FAM184A: variants seen among roughly 807,000 people sequenced by gnomAD.
The protein encoded by FAM184A is protein FAM184A.
In FAM184A, 99 loss-of-function variants were observed where a neutral mutation model predicts 143.8. That is an observed-to-expected ratio of 0.69 (90% CI 0.58 to 0.81). FAM184A has a LOEUF of 0.81. Ranked by LOEUF, FAM184A falls within the 40% of genes least tolerant of loss-of-function variation. The pLI is 0.00. For synonymous variants in FAM184A, 427 were observed against 446.4 expected (o/e 0.96, Z 0.55); for missense variants, 1,217 against 1,310.5 (o/e 0.93, Z 1.10).
chr6:119,137,271 T>C (rs1055987508), intron 1 of FAM184A, among the ~76,000 whole-genome samples: 9 of 151,666 alleles, frequency 5.9e-5, no homozygotes, highest in African/African-American at 1.9e-4. Flanking sequence ...TGTGTGTGTG[T>C]GTATGTGTGT....
chr6:118,970,008 A>ATATTTTT, intron 14 of FAM184A, among the ~76,000 whole-genome samples: 2 of 19,052 alleles, frequency 1.0e-4, no homozygotes, highest in Non-Finnish European at 2.3e-4. Flanking sequence ...ATATATATAT[A>ATATTTTT]TTTTTTTTTT....
intron 1 of FAM184A, among the ~76,000 whole-genome samples, chr6:119,126,130 T>A (rs1789358942): frequency 6.6e-6 from 1 of 152,154 alleles, no homozygotes; most frequent in Non-Finnish European, 1.5e-5. Flanking sequence ...GTTGGCAGGA[T>A]CTTGTTCCCT....
intron 4 of FAM184A, among the ~76,000 whole-genome samples, chr6:119,017,715 AT>A (rs1276145555): frequency 1.3e-5 from 2 of 152,154 alleles, no homozygotes; most frequent in African/African-American, 4.8e-5. Context: ...ACAGGTTTGG[AT>A]TTTTTTGTCT....
chr6:119,024,087 C>T lies in FAM184A; in HGVS notation c.886G>A (p.Ala296Thr). The T allele has an allele frequency of 6.2e-7, 1 of 1,614,164 alleles. No homozygotes were observed. Among genetic ancestry groups the T allele is most frequent in the Non-Finnish European group, 8.5e-7 (1 of 1,180,026 alleles). Reference sequence around the variant, plus strand: ...TTTCCTATAGTTTTTCGTAAAATTGCTTCTTGTCCCTGAAATTCTTTTCTA... The same window carrying T: ...TTTCCTATAGTTTTTCGTAAAATTGTTTCTTGTCCCTGAAATTCTTTTCTA... The part of the protein sequence containing the change: ...DLRKEFQGQE[A>T]ILRKTIGKLK... Residue 296 changes from alanine (A) to threonine (T), a missense_variant, in exon 2 of 18, where the codon GCA becomes ACA. Coordinates refer to ENST00000338891, the MANE Select transcript of FAM184A (RefSeq NM_024581.6).
rs531523042 is a variant in FAM184A at position 118,993,429 on chromosome 6, A to G, written c.2088+9470T>C. 1.5e-3 allele frequency among the ~76,000 whole-genome samples: 226 copies of G among 152,358 alleles called. 1 individual carries two copies. The highest frequency in any genetic ancestry group is 5.3e-3 in the African/African-American group (222 of 41,580). ...AATTGTTCTAAACCTCAGTTTAATC[A>G]TTTAGAAAATAGGACAAGGTTTTAC... is the stretch of plus-strand genomic sequence containing the variant. On this transcript the variant is annotated intron_variant, in intron 9 of 17. Coordinates refer to ENST00000338891, the MANE Select transcript of FAM184A (RefSeq NM_024581.6).
rs144424837 is a variant in FAM184A at position 119,041,123 on chromosome 6, T to C, written c.160-16310A>G. Among the ~76,000 whole-genome samples, 377 of 152,096 alleles carry C rather than the reference T, an allele frequency of 2.5e-3. 3 individuals are homozygous for C. The highest frequency in any genetic ancestry group is 8.8e-3 in the African/African-American group (363 of 41,464). ...GCCCCTGTAGCAGTTAATGGAGAAA[T>C]AAGCTTCTAAGAAAAGACATGATCA... is the stretch of plus-strand genomic sequence containing the variant. On this transcript the variant is annotated intron_variant, in intron 1 of 17. Coordinates refer to ENST00000338891, the MANE Select transcript of FAM184A (RefSeq NM_024581.6).
intron 1 of FAM184A, among the ~76,000 whole-genome samples, chr6:119,128,475 G>A (rs1789433361): frequency 6.6e-6 from 1 of 152,126 alleles, no homozygotes; most frequent in Admixed American, 6.5e-5. Context: ...AATTGTTTGA[G>A]ACTCCTTCTA....
At chr6:119,096,201 C>A (rs1788502648) in intron 1 of FAM184A, among the ~76,000 whole-genome samples, 1 of 152,174 alleles carries the variant, frequency 6.6e-6, no homozygotes, top group Non-Finnish European at 1.5e-5. Context: ...AGCTTGCTGT[C>A]TTTATTGCCT....
chr6:119,009,234 C>T (rs771072679), intron 6 of FAM184A, among the ~76,000 whole-genome samples: 16 of 152,222 alleles, frequency 1.1e-4, no homozygotes, highest in African/African-American at 1.4e-4. Context: ...TATCACACTC[C>T]GTTTTTTCTG....
intron 17 of FAM184A, 81 bp downstream of exon 17, chr6:118,961,680 G>A: frequency 8.9e-7 from 1 of 1,117,506 alleles, no homozygotes; most frequent in Non-Finnish European, 1.3e-6. Context: ...TGTTCTTAAA[G>A]TAGTGATTTC....
chr6:119,123,458 C>T (rs1789281009), intron 1 of FAM184A, among the ~76,000 whole-genome samples: 2 of 152,114 alleles, frequency 1.3e-5, no homozygotes, highest in Non-Finnish European at 2.9e-5. Context: ...GGTTGGTTCA[C>T]GTCAGGGGTA....
chr6:119,074,505 C>T (rs561510681), intron 1 of FAM184A, among the ~76,000 whole-genome samples: 20 of 151,602 alleles, frequency 1.3e-4, no homozygotes, highest in Non-Finnish European at 2.9e-4. Flanking sequence ...TATCTAAAAG[C>T]AACCAGAAAA....
rs1554264201 is a variant in FAM184A, at chr6:118,965,205, G to GC, written c.3034-435_3034-434insG. ...ATACCCAGCTAAGTTTTTTTTGTTT[G>GC]TTTTTTTTTTTTTTTTGGTGTGTGT... On this transcript the variant is annotated intron_variant, in intron 15 of 17. Transcript: ENST00000338891. Among the ~76,000 whole-genome samples the GC allele has an allele frequency of 3.1e-5, 4 of 131,034 alleles. No homozygotes were observed. The East Asian group carries it at 8.6e-4, about 28-fold the overall frequency. 86.0% of individuals were successfully genotyped at this position (131,034 alleles called of 152,430 possible).
intron 1 of FAM184A, among the ~76,000 whole-genome samples, chr6:119,038,098 G>C (rs1221105886): frequency 6.6e-6 from 1 of 152,112 alleles, no homozygotes; most frequent in Non-Finnish European, 1.5e-5. Context: ...CGAGATAAGA[G>C]GCTGATAACA....
chr6:119,075,449 G>A (rs1245352467), intron 1 of FAM184A, among the ~76,000 whole-genome samples: 1 of 152,258 alleles, frequency 6.6e-6, no homozygotes, highest in Non-Finnish European at 1.5e-5. Flanking sequence ...TTTTAAAGAT[G>A]AGGAAACTGA....
chr6:119,040,002 A>C (rs1786261364), intron 1 of FAM184A, among the ~76,000 whole-genome samples: 1 of 152,236 alleles, frequency 6.6e-6, no homozygotes, highest in Non-Finnish European at 1.5e-5. Context: ...CCCTTAGGGA[A>C]AAATCATGGG....
chr6:119,100,008 G>A (rs1788600178), intron 1 of FAM184A, among the ~76,000 whole-genome samples: 1 of 152,188 alleles, frequency 6.6e-6, no homozygotes, highest in South Asian at 2.1e-4. Context: ...AAGTCTTGGG[G>A]ACTGAGCCCT....
At chr6:119,094,175 G>A (rs1234233126) in intron 1 of FAM184A, among the ~76,000 whole-genome samples, 4 of 151,772 alleles carry the variant, frequency 2.6e-5, no homozygotes, top group South Asian at 2.1e-4. Flanking sequence ...GAGCTCAAGC[G>A]ATCCTTCTGC....
chr6:118,984,158 A>AAAAAT (rs375843703), intron 9 of FAM184A, among the ~76,000 whole-genome samples: 3 of 126,968 alleles, frequency 2.4e-5, no homozygotes, highest in African/African-American at 9.3e-5. Flanking sequence ...TTAAAAAAAA[A>AAAAAT]ATATATATAT....
Sources: allele counts gnomAD v4.1 joint callset (sites outside exome capture counted in the v4.1 genomes callset), GRCh38; gene constraint gnomAD v4.1.1; transcripts MANE v1.5; gene names NCBI Gene and HGNC (gene_info 2026-07-23, HGNC 2026-07-21).